PALMD: variants seen among roughly 807,000 people sequenced by gnomAD.
PALMD encodes the protein paralemmin-like protein.
In PALMD, 42 loss-of-function variants were observed where a neutral mutation model predicts 56.2. The ratio of observed to expected loss-of-function variants is 0.75; its 90% confidence interval spans 0.58 to 0.97. The LOEUF is 0.97. Among genes scored for constraint, PALMD ranks in the 50% least tolerant of loss-of-function variants. The pLI, the probability that PALMD is intolerant of heterozygous loss-of-function variation, is 0.00. For synonymous variants in PALMD, 242 were observed against 222.9 expected (o/e 1.09, Z -0.76); for missense variants, 660 against 643.8 (o/e 1.03, Z -0.27).
chr1:99,651,670 A>G (rs1464161847), intron 1 of PALMD, among the ~76,000 whole-genome samples: 1 of 152,230 alleles, frequency 6.6e-6, no homozygotes, highest in Non-Finnish European at 1.5e-5. Context: ...ATGAAAATTT[A>G]CCACCTTAAG....
Position 99,667,155 on chromosome 1 carries a change from GA to G in PALMD, c.127-486del, listed in dbSNP as rs3835490. 4.6e-5 allele frequency among the ~76,000 whole-genome samples: 7 copies of G among 152,248 alleles called. No homozygotes were observed. The East Asian group carries it at 1.2e-3, about 25-fold the overall frequency. On this transcript the variant is annotated intron_variant, in intron 2 of 7. Coordinates refer to ENST00000263174, the MANE Select transcript of PALMD (RefSeq NM_017734.5). ...CACCATTCCAATTAATCCCACTAAA[GA>G]TTTTTTTAAAGCAGTCATTGCATGC...
At chr1:99,681,663 A>G (rs1344376762) in intron 3 of PALMD, among the ~76,000 whole-genome samples, 2 of 152,170 alleles carry the variant, frequency 1.3e-5, no homozygotes, top group Admixed American at 6.5e-5. Flanking sequence ...CCTCAGCACT[A>G]TTGACACTTT....
intron 1 of PALMD, 63 bp from the exon 2 acceptor site, chr1:99,662,256 C>A: frequency 1.1e-6 from 1 of 872,556 alleles, no homozygotes; most frequent in Non-Finnish European, 1.9e-6. Context: ...GTGACAACAA[C>A]CCCAAGGAAA....
intron 1 of PALMD, among the ~76,000 whole-genome samples, chr1:99,654,219 G>A (rs1652661117): frequency 6.6e-6 from 1 of 151,948 alleles, no homozygotes; most frequent in African/African-American, 2.4e-5. Context: ...TGACTTGAAA[G>A]TTCAGTAAAG....
chr1:99,675,693 T>C (rs1653184490), intron 3 of PALMD, among the ~76,000 whole-genome samples: 1 of 152,226 alleles, frequency 6.6e-6, no homozygotes, highest in Admixed American at 6.5e-5. Flanking sequence ...TTGCATTCAT[T>C]TGAAAATGAC....
rs772214449 is a variant in PALMD, at chr1:99,662,411, CT to C, written c.126+15del. 128 of 1,363,644 alleles carry C rather than the reference CT, an allele frequency of 9.4e-5. No individual in the cohort carries two copies. Among genetic ancestry groups the C allele is most frequent in the Non-Finnish European group, 1.2e-4 (119 of 967,864 alleles). The allele number at this position is 1,363,644 out of a possible 1,614,324, so 84.5% of individuals were successfully genotyped here. ...ACCAGCATTTGAAGGTAATTTATGG[CT>C]TTAATTTCATTTCAATGATTTTGTA... On this transcript the variant is annotated intron_variant, in intron 2 of 7. Coordinates refer to ENST00000263174, the MANE Select transcript of PALMD (RefSeq NM_017734.5).
chr1:99,693,761 C>G (rs914141443), intron 7 of PALMD, among the ~76,000 whole-genome samples: 1 of 152,108 alleles, frequency 6.6e-6, no homozygotes, highest in Non-Finnish European at 1.5e-5. Context: ...TGTATTTGTT[C>G]CACTTGTACT....
chr1:99,667,845 A>C (rs1451518136), intron 3 of PALMD, 79 bp downstream of exon 3: 15 of 1,257,246 alleles, frequency 1.2e-5, no homozygotes, highest in Non-Finnish European at 1.6e-5. Context: ...TGCCATTCTC[A>C]CTTTCAGGGG....
rs867978293 is a variant in PALMD at position 99,683,060 on chromosome 1, G to A, written c.252-3616G>A. On this transcript the variant is annotated intron_variant, in intron 3 of 7. Coordinates refer to ENST00000263174, the MANE Select transcript of PALMD (RefSeq NM_017734.5). Reference sequence around the variant, plus strand: ...AGAAAGAAAGAAAGAAAGAAAGAGAGAGAGAGAGAGAGAGAGAGAGAGAGA... The same window carrying A: ...AGAAAGAAAGAAAGAAAGAAAGAGAAAGAGAGAGAGAGAGAGAGAGAGAGA... 5.1e-3 allele frequency among the ~76,000 whole-genome samples: 80 copies of A among 15,660 alleles called. 10 individuals are homozygous for A. Among genetic ancestry groups the A allele is most frequent in the East Asian group, 0.047 (28 of 594 alleles). 10.3% of individuals were successfully genotyped at this position (15,660 alleles called of 152,430 possible). A position where few individuals can be genotyped will look rare whatever the true frequency, so the allele number is the denominator to read the frequency against.
Position 99,689,172 on chromosome 1 carries a change from T to C in PALMD, c.912T>C (p.Asn304=). ...LGIGVNESIH[N]MGNGLSEERG... ...TTGGTGTAAATGAATCCATACACAATATGGGCAATGGTCTTTCAGAGGAAA... is the reference window on the plus strand; with the variant it reads ...TTGGTGTAAATGAATCCATACACAACATGGGCAATGGTCTTTCAGAGGAAA... The change falls in exon 7 of 8, where the codon AAT becomes AAC. Residue 304 remains asparagine, a synonymous_variant. Coordinates refer to ENST00000263174, the MANE Select transcript of PALMD (RefSeq NM_017734.5). 6.2e-7 allele frequency: 1 copy of C among 1,613,464 alleles called. No homozygotes were observed. The highest frequency in any genetic ancestry group is 1.1e-5 in the South Asian group (1 of 91,048).
chr1:99,691,409 C>T (rs746025485), intron 7 of PALMD, among the ~76,000 whole-genome samples: 3 of 152,020 alleles, frequency 2.0e-5, no homozygotes, highest in Non-Finnish European at 4.4e-5. Flanking sequence ...CTAATCATGC[C>T]CCTGAACTAA....
intron 3 of PALMD, 116 bp downstream of exon 3, chr1:99,667,882 C>A: frequency 2.4e-5 from 18 of 759,504 alleles, no homozygotes; most frequent in Middle Eastern, 3.4e-4. Context: ...ATTTGAATTT[C>A]TTTTTTTTTT....
At chr1:99,657,524 G>A (rs757212122) in intron 1 of PALMD, among the ~76,000 whole-genome samples, 15 of 152,112 alleles carry the variant, frequency 9.9e-5, no homozygotes, top group South Asian at 6.2e-4. Context: ...GCCTAACTGA[G>A]TGTCCTCTTC....
At chr1:99,681,105 ATGTGTGTG>A (rs56957907) in intron 3 of PALMD, among the ~76,000 whole-genome samples, 15 of 148,848 alleles carry the variant, frequency 1.0e-4, no homozygotes, top group South Asian at 4.3e-4. Context: ...GTGTGTATAT[ATGTGTGTG>A]TGTGTGTGTG....
chr1:99,681,105 ATGTGTGTGTGTGTG>A (rs56957907), intron 3 of PALMD, among the ~76,000 whole-genome samples: 4,541 of 148,808 alleles, frequency 0.031, 191 homozygotes, highest in African/African-American at 0.099. Flanking sequence ...GTGTGTATAT[ATGTGTGTGTGTGTG>A]TGTGTGTGTG....
chr1:99,687,203 C>G lies in PALMD; in HGVS notation c.514+14C>G. On this transcript the variant is annotated intron_variant, in intron 6 of 7. Transcript: ENST00000263174. ...AAAATAGGAAAGGTATATGAGAAAT[C>G]TGTGTTGAAGGGCATGTTCTTAATT... 2 of 1,589,166 alleles carry G rather than the reference C, an allele frequency of 1.3e-6. No individual in the cohort carries two copies. Among genetic ancestry groups the G allele is most frequent in the Non-Finnish European group, 1.7e-6 (2 of 1,169,582 alleles).
At position 99,652,551 on chromosome 1, in the gene PALMD, C is replaced by G. The variant is rs142884870; in HGVS notation, c.45+6189C>G. The stretch of plus-strand genomic sequence containing the variant: ...CCTGGGAGGCAGAGGTTGCAGTGAG[C>G]TGTGATTGCGTCACTGCACTCCAGC... On this transcript the variant is annotated intron_variant, in intron 1 of 7. Coordinates refer to ENST00000263174, the MANE Select transcript of PALMD (RefSeq NM_017734.5). Among the ~76,000 whole-genome samples the G allele has an allele frequency of 6.1e-3, 923 of 151,626 alleles. 5 individuals carry two copies. The highest frequency in any genetic ancestry group is 0.021 in the African/African-American group (880 of 41,300).
chr1:99,677,817 G>C (rs1470820981), intron 3 of PALMD, among the ~76,000 whole-genome samples: 1 of 152,052 alleles, frequency 6.6e-6, no homozygotes, highest in Non-Finnish European at 1.5e-5. Context: ...GGAAACGACA[G>C]GTTGTCAAAA....
chr1:99,653,518 T>G (rs1189246837), intron 1 of PALMD, among the ~76,000 whole-genome samples: 1 of 152,116 alleles, frequency 6.6e-6, no homozygotes, highest in East Asian at 1.9e-4. Flanking sequence ...GTTTAGAAAA[T>G]TTGTGCTTTT....
Sources: gnomAD v4.1 joint callset for allele counts (sites outside exome capture counted in the v4.1 genomes callset) on GRCh38, gnomAD v4.1.1 for gene constraint, MANE v1.5 for transcripts, NCBI Gene and HGNC (gene_info 2026-07-23, HGNC 2026-07-21) for gene names.